Variants in PLXNA2 observed in about 807,000 individuals in gnomAD.
PLXNA2 encodes plexin-A2.
Under a neutral mutation model 193.5 loss-of-function variants are expected in PLXNA2, and 91 were observed. The observed-to-expected ratio is 0.47, with a 90% CI of 0.40 to 0.56. PLXNA2 has a LOEUF of 0.56. PLXNA2 is among the 20% of genes least tolerant of loss of function. The pLI is 0.00. For synonymous variants in PLXNA2, 997 were observed against 1,027.3 expected (o/e 0.97, Z 0.56); for missense variants, 1,995 against 2,503.2 (o/e 0.80, Z 4.33).
intron 17 of PLXNA2, among the ~76,000 whole-genome samples, chr1:208,050,318 C>T (rs937062764): frequency 6.6e-6 from 1 of 152,344 alleles, no homozygotes; most frequent in South Asian, 2.1e-4. Context: ...CATGCTTGTA[C>T]AGCTAATAGA....
At chr1:208,222,153 G>A (rs181819116) in intron 1 of PLXNA2, among the ~76,000 whole-genome samples, 2 of 152,202 alleles carry the variant, frequency 1.3e-5, no homozygotes, top group East Asian at 3.9e-4. Flanking sequence ...GTAGACACTG[G>A]TAAACAAACA....
intron 9 of PLXNA2, among the ~76,000 whole-genome samples, chr1:208,089,929 T>G (rs143288910): frequency 3.3e-5 from 5 of 152,178 alleles, no homozygotes; most frequent in Non-Finnish European, 5.9e-5. Flanking sequence ...AAGTTGGGCA[T>G]GTGCATCTTT....
At chr1:208,177,715 A>G (rs1285370161) in intron 3 of PLXNA2, among the ~76,000 whole-genome samples, 5 of 152,382 alleles carry the variant, frequency 3.3e-5, no homozygotes, top group Middle Eastern at 3.4e-3. Context: ...GTAGAACTAG[A>G]TAAGTGGTTC....
chr1:208,103,173 G>T lies in PLXNA2; in HGVS notation c.1581C>A (p.His527Gln). 6.2e-7 allele frequency: 1 copy of T among 1,614,110 alleles called. No individual in the cohort carries two copies. Among genetic ancestry groups the T allele is most frequent in the Non-Finnish European group, 8.5e-7 (1 of 1,179,972 alleles). ...CGECLSSGDP[H>Q]CGWCALHNMC... ...TGTTGTGCAGGGCACACCAGCCACAGTGAGGGTCCCCAGAGCTCAGGCACT... is the reference window on the plus strand; with the variant it reads ...TGTTGTGCAGGGCACACCAGCCACATTGAGGGTCCCCAGAGCTCAGGCACT... The change falls in exon 5 of 32, where the codon CAC becomes CAA. Residue 527 changes from histidine (H) to glutamine (Q), a missense_variant. Coordinates refer to ENST00000367033, the MANE Select transcript of PLXNA2 (RefSeq NM_025179.4).
chr1:208,027,222 A>G lies in PLXNA2; in HGVS notation c.*21T>C, dbSNP rs1438374847. On this transcript the variant is annotated 3_prime_UTR_variant, in exon 32 of 32. Transcript: ENST00000367033. ...ACAGCTTGGACAGGTCCCTCTTCCC[A>G]GGAATGCGAGGCTCCTCCTCTCAGC... The G allele has an allele frequency of 6.3e-7, 1 of 1,599,414 alleles. No homozygotes were observed.
intron 29 of PLXNA2, chr1:208,030,291 C>T: frequency 1.0e-6 from 1 of 985,530 alleles, no homozygotes; most frequent in East Asian, 1.1e-4. Flanking sequence ...TCTCTCCACA[C>T]CACGATGCCA....
At chr1:208,103,352 T>A in intron 4 of PLXNA2, 105 bp from the exon 5 acceptor site, 1 of 822,938 alleles carries the variant, frequency 1.2e-6, no homozygotes, top group Non-Finnish European at 1.9e-6. Flanking sequence ...TCAACTCCCC[T>A]AAAGAGGTGA....
chr1:208,031,319 C>T lies in PLXNA2; in HGVS notation c.5225+271G>A, dbSNP rs1411720524. 5 of 1,289,226 alleles carry T rather than the reference C, an allele frequency of 3.9e-6. No homozygotes were observed. In the South Asian group the frequency reaches 9.1e-5, roughly 24 times the overall value. 79.9% of individuals were successfully genotyped at this position (1,289,226 alleles called of 1,614,324 possible). On this transcript the variant is annotated intron_variant, in intron 29 of 31. Transcript: ENST00000367033. ...CTCAGAGCCAGGGGAGGAGGCTCTT[C>T]TTGGGGTACTGGTCACAACCTGGAG...
chr1:208,151,768 C>A (rs1011791302), intron 3 of PLXNA2, among the ~76,000 whole-genome samples: 1 of 152,216 alleles, frequency 6.6e-6, no homozygotes, highest in Non-Finnish European at 1.5e-5. Flanking sequence ...CAGGATCACA[C>A]AGCTAGAAAG....
intron 17 of PLXNA2, among the ~76,000 whole-genome samples, chr1:208,046,561 A>AGTGT (rs146562998): frequency 4.0e-4 from 59 of 149,092 alleles, no homozygotes; most frequent in Middle Eastern, 6.9e-3. Context: ...TGTGTGCATG[A>AGTGT]GTGTGTGTGT....
In PLXNA2 at chr1:208,142,395, G is replaced by A. The variant is rs1156609684; in HGVS notation, c.1440C>T (p.Ser480=). Residue 480 remains serine (S), a synonymous_variant, in exon 4 of 32, where the codon AGC becomes AGT. Transcript: ENST00000367033. The stretch of plus-strand genomic sequence containing the variant: ...AGAAGGCCATGTCCCGGAGGATGGG[G>A]CTTCCGTCCTTGAGCACAGAGACCA... ...YEMVSVLKDG[S]PILRDMAFSI... The A allele has an allele frequency of 6.2e-7, 1 of 1,613,820 alleles. No homozygotes were observed. Among genetic ancestry groups the A allele is most frequent in the East Asian group, 2.2e-5 (1 of 44,902 alleles).
chr1:208,166,409 T>C (rs1385469870), intron 3 of PLXNA2, among the ~76,000 whole-genome samples: 1 of 152,198 alleles, frequency 6.6e-6, no homozygotes, highest in Non-Finnish European at 1.5e-5. Context: ...ACATGATCAT[T>C]GACCTGCAGG....
At chr1:208,108,102 T>C (rs917774092) in intron 4 of PLXNA2, among the ~76,000 whole-genome samples, 10 of 152,144 alleles carry the variant, frequency 6.6e-5, no homozygotes, top group Non-Finnish European at 5.9e-5. Flanking sequence ...TGAAGATACA[T>C]GTGGGAGGGA....
At chr1:208,086,037 C>A (rs1283634543) in intron 9 of PLXNA2, among the ~76,000 whole-genome samples, 1 of 152,186 alleles carries the variant, frequency 6.6e-6, no homozygotes, top group Non-Finnish European at 1.5e-5. Context: ...AGCCCAGTTT[C>A]TTCTCTGCAA....
chr1:208,189,311 T>C (rs1330305130), intron 3 of PLXNA2, among the ~76,000 whole-genome samples: 1 of 152,102 alleles, frequency 6.6e-6, no homozygotes, highest in Non-Finnish European at 1.5e-5. Context: ...GTGGCAGCTG[T>C]GGTCTGTGTT....
At chr1:208,225,898 A>G (rs1179286820) in intron 1 of PLXNA2, among the ~76,000 whole-genome samples, 2 of 152,180 alleles carry the variant, frequency 1.3e-5, no homozygotes, top group Non-Finnish European at 2.9e-5. Flanking sequence ...GAGAAAATAA[A>G]TTTCTGTTAT....
At chr1:208,204,916 G>C (rs1199457656) in intron 3 of PLXNA2, among the ~76,000 whole-genome samples, 4 of 152,184 alleles carry the variant, frequency 2.6e-5, no homozygotes, top group Non-Finnish European at 4.4e-5. Context: ...ATGGAAAAGA[G>C]AGCCAGCAGC....
At chr1:208,094,289 G>T (rs1666806227) in intron 8 of PLXNA2, among the ~76,000 whole-genome samples, 1 of 152,088 alleles carries the variant, frequency 6.6e-6, no homozygotes, top group African/African-American at 2.4e-5. Context: ...ATCTTTCTGT[G>T]GGCCTCAGTT....
intron 4 of PLXNA2, among the ~76,000 whole-genome samples, chr1:208,114,855 C>T (rs377044654): frequency 7.9e-5 from 12 of 151,752 alleles, no homozygotes; most frequent in South Asian, 4.2e-4. Flanking sequence ...AGAGAGAGAG[C>T]GAGAGAGGGA....
Sources: allele counts gnomAD v4.1 joint callset (sites outside exome capture counted in the v4.1 genomes callset), GRCh38; gene constraint gnomAD v4.1.1; transcripts MANE v1.5; gene names NCBI Gene and HGNC (gene_info 2026-07-23, HGNC 2026-07-21).